The following NYAP2 variants were observed in gnomAD, a reference collection of about 807,000 sequenced individuals.
NYAP2 encodes the protein neuronal tyrosine-phosphorylated phosphoinositide-3-kinase adaptor 2.
In NYAP2, 23 loss-of-function variants were observed where a neutral mutation model predicts 50.4. That is an observed-to-expected ratio of 0.46 (90% CI 0.33 to 0.65). The LOEUF (loss-of-function observed/expected upper bound fraction) is 0.65. Among genes scored for constraint, NYAP2 ranks in the 30% least tolerant of loss-of-function variants. The pLI is 0.02. For synonymous variants in NYAP2, 394 were observed against 365.2 expected, an observed-to-expected ratio of 1.08 and a Z score of -0.90; for missense variants, 885 against 861.0, an observed-to-expected ratio of 1.03 and a Z score of -0.35.
At chr2:225,520,902 T>A (rs1175212916) in intron 4 of NYAP2, among the ~76,000 whole-genome samples, 2 of 152,120 alleles carry the variant, frequency 1.3e-5, no homozygotes, top group Non-Finnish European at 1.5e-5. Flanking sequence ...TTCCTACCCA[T>A]GAGCATGGAA....
chr2:225,466,090 A>G (rs567453779), intron 3 of NYAP2, among the ~76,000 whole-genome samples: 2 of 152,086 alleles, frequency 1.3e-5, no homozygotes, highest in African/African-American at 4.8e-5. Context: ...GCACTTTGCA[A>G]CTCCTGGAGA....
intron 3 of NYAP2, among the ~76,000 whole-genome samples, chr2:225,440,102 C>T (rs1040788107): frequency 7.9e-5 from 12 of 152,292 alleles, no homozygotes; most frequent in African/African-American, 2.4e-4. Context: ...ACACTTGACA[C>T]GTGGGGATTA....
At chr2:225,520,269 T>C (rs867068911) in intron 4 of NYAP2, among the ~76,000 whole-genome samples, 2,500 of 152,188 alleles carry the variant, frequency 0.016, 31 homozygotes, top group Non-Finnish European at 0.024. Context: ...AGAAGCTCTT[T>C]AGTTTAATTA....
chr2:225,663,542 C>G, the NYAP2 span, among the ~76,000 whole-genome samples: 2 of 151,990 alleles, frequency 1.3e-5, no homozygotes, highest in Non-Finnish European at 2.9e-5. Context: ...ACACACCCAC[C>G]ACAGTTCTTT....
chr2:225,649,703 A>C (rs1362034582), intron 6 of NYAP2, among the ~76,000 whole-genome samples: 1 of 152,210 alleles, frequency 6.6e-6, no homozygotes, highest in Non-Finnish European at 1.5e-5. Context: ...TGTTTAGTGC[A>C]TAGACTGTGC....
chr2:225,500,269 C>T (rs1420001082), intron 3 of NYAP2, among the ~76,000 whole-genome samples: 1 of 152,184 alleles, frequency 6.6e-6, no homozygotes, highest in Non-Finnish European at 1.5e-5. Context: ...CTACGTGTAA[C>T]TGCAGAGTTA....
At chr2:225,471,337 A>C (rs546540489) in intron 3 of NYAP2, among the ~76,000 whole-genome samples, 3 of 152,370 alleles carry the variant, frequency 2.0e-5, no homozygotes, top group African/African-American at 7.2e-5. Context: ...TTTACTGCTT[A>C]GAAAACCAGC....
intron 5 of NYAP2, among the ~76,000 whole-genome samples, chr2:225,589,845 A>G (rs187886483): frequency 6.6e-6 from 1 of 152,070 alleles, no homozygotes; most frequent in African/African-American, 2.4e-5. Context: ...TGGAGGAGGG[A>G]GTCTATAGTC....
chr2:225,603,005 T>A (rs1692718211), intron 5 of NYAP2, among the ~76,000 whole-genome samples: 1 of 152,136 alleles, frequency 6.6e-6, no homozygotes, highest in Non-Finnish European at 1.5e-5. Flanking sequence ...ATTGGGATTG[T>A]TTTTGGGGAT....
chr2:225,640,937 G>C (rs1001581983), intron 6 of NYAP2, among the ~76,000 whole-genome samples: 9 of 152,094 alleles, frequency 5.9e-5, no homozygotes, highest in Non-Finnish European at 1.5e-5. Context: ...GAGAAATTCT[G>C]GATTCCAACT....
intron 5 of NYAP2, among the ~76,000 whole-genome samples, chr2:225,606,245 C>T (rs950682550): frequency 6.6e-6 from 1 of 152,042 alleles, no homozygotes; most frequent in Non-Finnish European, 1.5e-5. Context: ...TGTGGCTGTG[C>T]GGTGCTATGA....
chr2:225,448,356 C>T (rs1410444763), intron 3 of NYAP2, among the ~76,000 whole-genome samples: 1 of 152,100 alleles, frequency 6.6e-6, no homozygotes, highest in Non-Finnish European at 1.5e-5. Context: ...GGGAATTAAT[C>T]AGAGAAACAG....
chr2:225,671,926 G>A, the NYAP2 span, among the ~76,000 whole-genome samples: 95 of 151,998 alleles, frequency 6.3e-4, no homozygotes, highest in Non-Finnish European at 4.6e-4. Flanking sequence ...TGTGCAGTAG[G>A]TCTCAACATG....
chr2:225,516,267 A>C (rs1484555847), intron 4 of NYAP2, among the ~76,000 whole-genome samples: 2 of 152,220 alleles, frequency 1.3e-5, no homozygotes, highest in African/African-American at 4.8e-5. Flanking sequence ...CCCAATGGCT[A>C]CTTGTCAAGC....
At chr2:225,677,953 C>T in the NYAP2 span, among the ~76,000 whole-genome samples, 1 of 152,054 alleles carries the variant, frequency 6.6e-6, no homozygotes, top group Non-Finnish European at 1.5e-5. Flanking sequence ...AGAAACTCCT[C>T]CTCCTTGAAT....
intron 3 of NYAP2, among the ~76,000 whole-genome samples, chr2:225,500,666 T>C (rs1035061452): frequency 4.6e-5 from 7 of 152,210 alleles, no homozygotes; most frequent in African/African-American, 1.7e-4. Flanking sequence ...TTACAAATGT[T>C]TGGGAAGGGC....
At chr2:225,671,298 T>G in the NYAP2 span, among the ~76,000 whole-genome samples, 1 of 152,156 alleles carries the variant, frequency 6.6e-6, no homozygotes, top group Non-Finnish European at 1.5e-5. Flanking sequence ...TAAGCTTATG[T>G]GATATTCTAA....
At position 225,427,382 on chromosome 2, in the gene NYAP2, C is replaced by T. The variant is rs116230258; in HGVS notation, c.221+18281C>T. Among the ~76,000 whole-genome samples, 1,196 of 152,288 alleles carry T rather than the reference C, an allele frequency of 7.9e-3. 20 individuals are homozygous for T. The highest frequency in any genetic ancestry group is 0.027 in the African/African-American group (1,113 of 41,548). On this transcript the variant is annotated intron_variant, in intron 3 of 6. Transcript: ENST00000636099. Reference sequence around the variant, plus strand: ...ATTTTTCCTTTTAATATCACAGTTTCCTCGTCTGTGACAATCACAATCCCA... The same window carrying T: ...ATTTTTCCTTTTAATATCACAGTTTTCTCGTCTGTGACAATCACAATCCCA...
chr2:225,493,296 T>G lies in NYAP2; in HGVS notation c.222-20075T>G, dbSNP rs1045019056. On this transcript the variant is annotated intron_variant, in intron 3 of 6. Coordinates refer to ENST00000636099, the Ensembl canonical transcript of NYAP2. ...GCTACCACACCTGGCACATAGCAAC[T>G]TTTATGTTTTTTTAAAAAGTCTGTT... Among the ~76,000 whole-genome samples the G allele has an allele frequency of 3.9e-5, 6 of 152,288 alleles. No individual in the cohort carries two copies. In the South Asian group the frequency reaches 1.2e-3, roughly 32 times the overall value.
Sources: allele counts gnomAD v4.1 joint callset (sites outside exome capture counted in the v4.1 genomes callset), GRCh38; gene constraint gnomAD v4.1.1; transcripts MANE v1.5; gene names NCBI Gene and HGNC (gene_info 2026-07-23, HGNC 2026-07-21).